Variants in ZNF804B observed in about 807,000 individuals in gnomAD.
ZNF804B encodes the protein zinc finger protein 804B.
ZNF804B carries 80 observed loss-of-function variants against 101.4 expected under a neutral mutation model. That is an observed-to-expected ratio of 0.79 (90% CI 0.66 to 0.95). The LOEUF is 0.95. Ranked by LOEUF, ZNF804B falls within the 40% of genes least tolerant of loss-of-function variation. The pLI is 0.00. For missense variants in ZNF804B, 1,673 were observed against 1,561.9 expected (o/e 1.07, Z -1.20); for synonymous variants, 622 against 558.8 (o/e 1.11, Z -1.59).
chr7:88,973,475 C>A (rs554485556), intron 1 of ZNF804B, among the ~76,000 whole-genome samples: 1 of 151,260 alleles, frequency 6.6e-6, no homozygotes, highest in African/African-American at 2.4e-5. Flanking sequence ...GAACATGTAT[C>A]AATAAAACCT....
intron 1 of ZNF804B, among the ~76,000 whole-genome samples, chr7:88,944,940 G>T (rs957993584): frequency 2.6e-5 from 4 of 151,624 alleles, no homozygotes; most frequent in Non-Finnish European, 2.9e-5. Context: ...AGATGGGGTT[G>T]TTTTTTTCTT....
At chr7:88,907,897 T>G (rs778943269) in intron 1 of ZNF804B, among the ~76,000 whole-genome samples, 2 of 151,960 alleles carry the variant, frequency 1.3e-5, no homozygotes, top group Non-Finnish European at 2.9e-5. Context: ...GAGAGCTGGT[T>G]TAACTTTAAT....
At chr7:89,127,525 T>G (rs1790491917) in intron 1 of ZNF804B, among the ~76,000 whole-genome samples, 1 of 151,830 alleles carries the variant, frequency 6.6e-6, no homozygotes, top group Admixed American at 6.6e-5. Context: ...TCAGAGTATG[T>G]CTTTGCACTC....
chr7:88,988,170 C>G (rs1180566358), intron 1 of ZNF804B, among the ~76,000 whole-genome samples: 1 of 151,526 alleles, frequency 6.6e-6, no homozygotes, highest in Non-Finnish European at 1.5e-5. Flanking sequence ...TGTTTGTAGC[C>G]TAATGAGTAA....
chr7:88,978,375 A>G (rs552485319), intron 1 of ZNF804B, among the ~76,000 whole-genome samples: 2 of 151,870 alleles, frequency 1.3e-5, no homozygotes, highest in East Asian at 3.9e-4. Flanking sequence ...AGCGCTAATA[A>G]TATTTGCTTT....
intron 1 of ZNF804B, among the ~76,000 whole-genome samples, chr7:88,851,877 T>C (rs1357628916): frequency 6.6e-6 from 1 of 152,128 alleles, no homozygotes; most frequent in Non-Finnish European, 1.5e-5. Flanking sequence ...GGATACATAC[T>C]TGGTTCTTAT....
intron 1 of ZNF804B, among the ~76,000 whole-genome samples, chr7:88,994,894 C>T (rs903104236): frequency 6.6e-6 from 1 of 152,040 alleles, no homozygotes; most frequent in Non-Finnish European, 1.5e-5. Context: ...GAGAGGAAAT[C>T]AACCATAAAA....
intron 1 of ZNF804B, among the ~76,000 whole-genome samples, chr7:88,861,550 A>T (rs530090162): frequency 7.2e-5 from 11 of 152,138 alleles, no homozygotes; most frequent in Middle Eastern, 3.2e-3. Flanking sequence ...AAACTACTAC[A>T]TATTTTTGTA....
At chr7:89,152,968 GA>G (rs1425871810) in intron 1 of ZNF804B, among the ~76,000 whole-genome samples, 1 of 151,870 alleles carries the variant, frequency 6.6e-6, no homozygotes, top group Non-Finnish European at 1.5e-5. Flanking sequence ...GTGTATGAAA[GA>G]AAATATTAAC....
intron 1 of ZNF804B, among the ~76,000 whole-genome samples, chr7:89,109,263 A>C (rs1315564378): frequency 6.6e-6 from 1 of 152,208 alleles, no homozygotes; most frequent in Non-Finnish European, 1.5e-5. Flanking sequence ...TTCGTTACAC[A>C]AGCACATTGA....
intron 1 of ZNF804B, among the ~76,000 whole-genome samples, chr7:88,840,765 G>A (rs192609479): frequency 1.7e-3 from 266 of 152,230 alleles, no homozygotes; most frequent in Middle Eastern, 6.8e-3. Flanking sequence ...TTGGGAGGTA[G>A]GATAAAGTGT....
chr7:89,290,429 G>A (rs1205382431), intron 2 of ZNF804B, among the ~76,000 whole-genome samples: 2 of 152,120 alleles, frequency 1.3e-5, no homozygotes, highest in Non-Finnish European at 2.9e-5. Context: ...CCGATTTCAA[G>A]CTTTGACTCT....
chr7:88,997,079 A>G (rs1225387562), intron 1 of ZNF804B, among the ~76,000 whole-genome samples: 2 of 152,152 alleles, frequency 1.3e-5, no homozygotes, highest in Non-Finnish European at 2.9e-5. Context: ...CAATATGTTT[A>G]ACTGATACAC....
At chr7:89,088,088 A>G (rs1047105318) in intron 1 of ZNF804B, among the ~76,000 whole-genome samples, 5 of 151,970 alleles carry the variant, frequency 3.3e-5, no homozygotes, top group African/African-American at 9.7e-5. Flanking sequence ...AGGATCACAC[A>G]GTTTCTAACA....
Position 89,218,206 on chromosome 7 carries a change from A to C in ZNF804B, c.160A>C (p.Asn54His). The change falls in exon 2 of 4, where the codon AAC (asparagine) becomes CAC (histidine). Residue 54 changes from asparagine (N) to histidine (H), a missense_variant. Asn to His is a moderately conservative substitution (Grantham distance 68). Coordinates refer to ENST00000333190, the MANE Select transcript of ZNF804B (RefSeq NM_181646.5). ...TAKALEDVKA[N>H]FYCELCDKQY... ...AAAGGCCCTGGAAGATGTAAAGGCA[A>C]ACTTTTACTGTGAATTATGTGACAA... 1 of 1,613,924 alleles carries C rather than the reference A, an allele frequency of 6.2e-7. No homozygotes were observed. The highest frequency in any genetic ancestry group is 8.5e-7 in the Non-Finnish European group (1 of 1,179,862).
chr7:88,874,535 C>G (rs1338778337), intron 1 of ZNF804B, among the ~76,000 whole-genome samples: 1 of 152,028 alleles, frequency 6.6e-6, no homozygotes, highest in Non-Finnish European at 1.5e-5. Flanking sequence ...GAGAGAGCAT[C>G]CCTGTCTTGT....
chr7:88,957,097 C>T (rs1307881286), intron 1 of ZNF804B, among the ~76,000 whole-genome samples: 1 of 151,428 alleles, frequency 6.6e-6, no homozygotes, highest in Admixed American at 6.6e-5. Flanking sequence ...TACCATTCTT[C>T]ATTTTGTGAC....
chr7:88,812,061 T>C (rs534679240), intron 1 of ZNF804B, among the ~76,000 whole-genome samples: 2 of 152,330 alleles, frequency 1.3e-5, no homozygotes, highest in Admixed American at 6.5e-5. Flanking sequence ...CCGCTTCTTG[T>C]TACAGTAGCC....
chr7:89,184,234 A>G (rs1281433750), intron 1 of ZNF804B, among the ~76,000 whole-genome samples: 3 of 152,152 alleles, frequency 2.0e-5, no homozygotes, highest in Non-Finnish European at 4.4e-5. Context: ...AATCAAAGCA[A>G]TGTCCTCTGA....
Sources: gnomAD v4.1 joint callset for allele counts (sites outside exome capture counted in the v4.1 genomes callset) on GRCh38, gnomAD v4.1.1 for gene constraint, MANE v1.5 for transcripts, NCBI Gene and HGNC (gene_info 2026-07-23, HGNC 2026-07-21) for gene names.